LPP: variants seen among roughly 807,000 people sequenced by gnomAD.
LPP encodes LIM domain containing preferred translocation partner in lipoma.
A neutral mutation model predicts 60.4 loss-of-function variants in LPP; 38 were observed. That is an observed-to-expected ratio of 0.63 (90% confidence interval 0.49 to 0.83). LPP has a LOEUF of 0.83. LPP is among the 40% of genes least tolerant of loss of function. The probability of loss-of-function intolerance (pLI) is 0.00; values close to 1 mark genes in which losing one functional copy is unlikely to be tolerated. For synonymous variants in LPP, 328 were observed against 290.8 expected (o/e 1.13, Z -1.30); for missense variants, 902 against 783.6 (o/e 1.15, Z -1.80).
intron 5 of LPP, among the ~76,000 whole-genome samples, chr3:188,489,707 G>A (rs1172851608): frequency 1.3e-5 from 2 of 152,216 alleles, no homozygotes; most frequent in African/African-American, 4.8e-5. Context: ...AAACAATTCT[G>A]AGTTGTCTGG....
chr3:188,277,059 A>G (rs1393037186), intron 2 of LPP, among the ~76,000 whole-genome samples: 1 of 151,598 alleles, frequency 6.6e-6, no homozygotes, highest in African/African-American at 2.4e-5. Context: ...ACGTACCACC[A>G]TGCTCAGCTA....
At chr3:188,188,927 A>G (rs1727361187) in intron 1 of LPP, among the ~76,000 whole-genome samples, 1 of 151,386 alleles carries the variant, frequency 6.6e-6, no homozygotes, top group African/African-American at 2.4e-5. Context: ...TGATCATACT[A>G]AAAGAATATG....
chr3:188,232,951 A>G (rs556373784), intron 2 of LPP, among the ~76,000 whole-genome samples: 37 of 152,296 alleles, frequency 2.4e-4, no homozygotes, highest in Middle Eastern at 6.8e-3. Context: ...GTTGGCACAC[A>G]TTAAATGTTA....
At chr3:188,443,395 G>T (rs935216688) in intron 4 of LPP, among the ~76,000 whole-genome samples, 2 of 152,316 alleles carry the variant, frequency 1.3e-5, no homozygotes, top group African/African-American at 4.8e-5. Flanking sequence ...TCACGTGAAG[G>T]CTCTGTGGCC....
intron 4 of LPP, among the ~76,000 whole-genome samples, chr3:188,441,609 C>CTTTTCT (rs1793896698): frequency 3.6e-5 from 2 of 55,650 alleles, no homozygotes; most frequent in African/African-American, 7.5e-5. Context: ...CTTTTCTTTT[C>CTTTTCT]TTTTTTTTTT....
intron 4 of LPP, chr3:188,472,843 C>T (rs953881166): frequency 1.3e-5 from 2 of 152,100 alleles, no homozygotes; most frequent in African/African-American, 4.8e-5. Context: ...ATAGTAAGAA[C>T]CTCTTCTCTT....
intron 9 of LPP, among the ~76,000 whole-genome samples, chr3:188,848,517 T>G (rs1316104051): frequency 6.6e-6 from 1 of 152,258 alleles, no homozygotes; most frequent in Non-Finnish European, 1.5e-5. Flanking sequence ...TCCTTTGTAC[T>G]ATTTTTCTCA....
At chr3:188,790,933 CAAA>C (rs68001404) in intron 9 of LPP, among the ~76,000 whole-genome samples, 40,496 of 147,762 alleles carry the variant, frequency 0.27, 6,286 homozygotes, top group Non-Finnish European at 0.37. Context: ...GAAAAGTCTT[CAAA>C]AAAAAAAAAA....
At chr3:188,543,908 C>A (rs747074053) in intron 6 of LPP, among the ~76,000 whole-genome samples, 1 of 152,130 alleles carries the variant, frequency 6.6e-6, no homozygotes, top group Non-Finnish European at 1.5e-5. Context: ...GACTTACTGT[C>A]CACAGGGATT....
intron 2 of LPP, among the ~76,000 whole-genome samples, chr3:188,303,342 A>G (rs1264007620): frequency 1.3e-5 from 2 of 152,240 alleles, no homozygotes; most frequent in African/African-American, 2.4e-5. Flanking sequence ...ATGTCCCTGA[A>G]AATAGAGAAC....
rs149663740 is a variant in LPP at position 188,162,084 on chromosome 3, G to A, written c.-190+7832G>A. Among the ~76,000 whole-genome samples, 382 of 152,262 alleles carry A rather than the reference G, an allele frequency of 2.5e-3. 3 individuals are homozygous for A. Among genetic ancestry groups the A allele is most frequent in the African/African-American group, 6.7e-3 (277 of 41,552 alleles). ...GATCCATTACAAGGTAGATCCTCCT[G>A]TGTTTGTCTTCCCTATTGAACCTGC... On this transcript the variant is annotated intron_variant, in intron 1 of 11. Transcript: ENST00000617246.
At chr3:188,862,018 G>A (rs775719175) in intron 9 of LPP, among the ~76,000 whole-genome samples, 2 of 152,116 alleles carry the variant, frequency 1.3e-5, no homozygotes, top group Non-Finnish European at 2.9e-5. Context: ...TTGGCCAAAG[G>A]CCTTCCACAG....
At chr3:188,290,286 T>A (rs1250732141) in intron 2 of LPP, among the ~76,000 whole-genome samples, 1 of 151,980 alleles carries the variant, frequency 6.6e-6, no homozygotes, top group Admixed American at 6.6e-5. Flanking sequence ...CAACATGCAG[T>A]TTTGTGTACT....
At chr3:188,841,486 G>A (rs1205513644) in intron 9 of LPP, among the ~76,000 whole-genome samples, 1 of 143,992 alleles carries the variant, frequency 6.9e-6, no homozygotes, top group Non-Finnish European at 1.5e-5. Context: ...CTGCCTCCCA[G>A]GTTCAAGCGA....
intron 4 of LPP, among the ~76,000 whole-genome samples, chr3:188,432,583 T>A (rs1791189633): frequency 6.6e-6 from 1 of 151,834 alleles, no homozygotes; most frequent in African/African-American, 2.4e-5. Context: ...TTTTTTTTTT[T>A]AAAGCTCTTC....
In LPP at chr3:188,354,932, A is replaced by C. The variant is rs1427694448; in HGVS notation, c.-10+13213A>C. ...CTGCTTTCTTCAGAATTTCGGATGT[A>C]TGTGTCTGTTTCTTCCAGTAGATTG... On this transcript the variant is annotated intron_variant, in intron 3 of 11. Transcript: ENST00000617246. 2.6e-5 allele frequency among the ~76,000 whole-genome samples: 4 copies of C among 152,190 alleles called. No individual in the cohort carries two copies. The South Asian group carries it at 8.3e-4, about 31-fold the overall frequency.
intron 7 of LPP, among the ~76,000 whole-genome samples, chr3:188,662,084 T>G (rs1854708147): frequency 6.6e-6 from 1 of 152,238 alleles, no homozygotes. Context: ...AATCCTGTCC[T>G]TATGTGAAAC....
At chr3:188,547,879 C>T (rs1414951748) in intron 6 of LPP, among the ~76,000 whole-genome samples, 5 of 152,108 alleles carry the variant, frequency 3.3e-5, no homozygotes, top group South Asian at 2.1e-4. Flanking sequence ...GGCTCTGGAG[C>T]GTGGCTGAGC....
rs755287902 is a variant in LPP at position 188,886,737 on chromosome 3, T to TACACACACAC, written c.*12277_*12286dup. The stretch of plus-strand genomic sequence containing the variant: ...TCTTCAAAACACACACACACACACA[T>TACACACACAC]ACACACACACACACACACACACACA... On this transcript the variant is annotated 3_prime_UTR_variant, in exon 12 of 12. Transcript: ENST00000617246. 6,912 of 189,622 alleles carry TACACACACAC rather than the reference T, an allele frequency of 0.036. 148 individuals are homozygous for TACACACACAC. Among genetic ancestry groups the TACACACACAC allele is most frequent in the South Asian group, 0.08 (333 of 4,152 alleles). 11.7% of individuals were successfully genotyped at this position (189,622 alleles called of 1,614,324 possible).
Sources: gnomAD v4.1 joint callset for allele counts (sites outside exome capture counted in the v4.1 genomes callset) on GRCh38, gnomAD v4.1.1 for gene constraint, MANE v1.5 for transcripts, NCBI Gene and HGNC (gene_info 2026-07-23, HGNC 2026-07-21) for gene names.